Variants in MED13 observed in about 807,000 individuals in gnomAD.
MED13 encodes the protein mediator of RNA polymerase II transcription subunit 13.
MED13 carries 23 observed loss-of-function variants against 225.2 expected under a neutral mutation model. The observed-to-expected ratio is 0.10, with a 90% confidence interval of 0.07 to 0.14. MED13 has a LOEUF of 0.14. MED13 is among the 10% of genes least tolerant of loss of function. The probability of loss-of-function intolerance (pLI) is 1.00; values close to 1 mark genes in which losing one functional copy is unlikely to be tolerated. For missense variants in MED13, 2,197 were observed against 2,594.5 expected (o/e 0.85, Z 3.33); for synonymous variants, 942 against 889.2 (o/e 1.06, Z -1.06).
rs749596280 is a variant in MED13, at chr17:62,031,652, A to C, written c.815-14T>G. ...TTCGGACACCAGCTGAAAGGAAAAA[A>C]ATGGGACAGGAAAACCAATTACCTT... On this transcript the variant is annotated splice_polypyrimidine_tract_variant and intron_variant, in intron 5 of 29. Coordinates refer to ENST00000397786, the MANE Select transcript of MED13 (RefSeq NM_005121.3). 6.6e-7 allele frequency: 1 copy of C among 1,521,954 alleles called. No individual in the cohort carries two copies. The highest frequency in any genetic ancestry group is 2.1e-5 in the Admixed American group (1 of 47,540). The allele number at this position is 1,521,954 out of a possible 1,614,324, so 94.3% of individuals were successfully genotyped here.
chr17:61,960,706 C>T (rs1481422129), intron 23 of MED13, among the ~76,000 whole-genome samples, 161 bp downstream of exon 23: 1 of 151,892 alleles, frequency 6.6e-6, no homozygotes, highest in African/African-American at 2.4e-5. Flanking sequence ...GTTAGTTATA[C>T]AATATAAACA....
chr17:61,955,641 A>C, intron 25 of MED13, 39 bp downstream of exon 25: 1 of 1,568,618 alleles, frequency 6.4e-7, no homozygotes, highest in Non-Finnish European at 8.6e-7. Flanking sequence ...ACTTAACTGC[A>C]TAAAGAATTA....
At chr17:61,979,485 T>C (rs2080185183) in intron 16 of MED13, among the ~76,000 whole-genome samples, 1 of 152,028 alleles carries the variant, frequency 6.6e-6, no homozygotes, top group Non-Finnish European at 1.5e-5. Flanking sequence ...AATTTTTGTA[T>C]TTTTAGTAGA....
At position 61,944,027 on chromosome 17, in the gene MED13, C is replaced by G. The variant is rs1353605493; in HGVS notation, c.*2441G>C. 1 of 152,434 alleles carries G rather than the reference C, an allele frequency of 6.6e-6. No individual in the cohort carries two copies. The highest frequency in any genetic ancestry group is 1.5e-5 in the Non-Finnish European group (1 of 67,992). 9.4% of individuals were successfully genotyped at this position (152,434 alleles called of 1,614,324 possible). A position where few individuals can be genotyped will look rare whatever the true frequency, so the allele number is the denominator to read the frequency against. Reference sequence around the variant, plus strand: ...TAATTTCTCAAATAAGTCTACTGAGCTTTTCTAATGGTTATTTAATAACTT... The same window carrying G: ...TAATTTCTCAAATAAGTCTACTGAGGTTTTCTAATGGTTATTTAATAACTT... On this transcript the variant is annotated 3_prime_UTR_variant, in exon 30 of 30. Coordinates refer to ENST00000397786, the MANE Select transcript of MED13 (RefSeq NM_005121.3).
In MED13 at chr17:62,063,146, T is replaced by G. The variant is rs1325798147; in HGVS notation, c.222A>C (p.Arg74Ser). Residue 74 changes from arginine to serine, a missense_variant, in exon 2 of 30, where the codon AGA becomes AGC. By Grantham distance (110) the Arg-to-Ser change is moderately radical. Transcript: ENST00000397786. ...ATATCCACAATTCTCTTCTTCCAGG[T>G]CTTTGATCTCGCCGCCAAACACCAA... ...DVLGVWRRDQRPGRRELWIFW... is the reference protein window; with the variant it reads ...DVLGVWRRDQSPGRRELWIFW... The G allele has an allele frequency of 8.7e-6, 14 of 1,614,074 alleles. No individual in the cohort carries two copies. Among genetic ancestry groups the G allele is most frequent in the Non-Finnish European group, 1.2e-5 (14 of 1,180,026 alleles).
intron 18 of MED13, 87 bp downstream of exon 18, chr17:61,967,948 A>T (rs2080073644): frequency 1.0e-6 from 1 of 976,438 alleles, no homozygotes; most frequent in African/African-American, 1.6e-5. Flanking sequence ...ACTGTGTCCC[A>T]ATCAACTGAA....
At chr17:62,053,577 C>A (rs2080973894) in intron 2 of MED13, among the ~76,000 whole-genome samples, 1 of 152,146 alleles carries the variant, frequency 6.6e-6, no homozygotes, top group Admixed American at 6.5e-5. Context: ...AATAATGATA[C>A]CACTTCAGCA....
intron 23 of MED13, among the ~76,000 whole-genome samples, chr17:61,957,356 AT>A (rs199681354): frequency 1.4e-4 from 18 of 128,264 alleles, no homozygotes; most frequent in African/African-American, 3.1e-4. Context: ...TAAACTTTTT[AT>A]TTTTTTTTTT....
At chr17:61,965,607 T>G in intron 19 of MED13, 139 bp from the exon 20 acceptor site, 1 of 767,914 alleles carries the variant, frequency 1.3e-6, no homozygotes, top group Non-Finnish European at 2.0e-6. Context: ...GCTAATGGTG[T>G]GACCTACACT....
intron 8 of MED13, among the ~76,000 whole-genome samples, chr17:62,024,163 G>A (rs897505962): frequency 2.2e-4 from 33 of 152,086 alleles, no homozygotes; most frequent in African/African-American, 6.5e-4. Context: ...GATTACAGGC[G>A]TGTGCCACCA....
At chr17:62,015,948 ATATATATTTTTTTTTTTTTTTTTTT>A (rs2080572426) in intron 8 of MED13, among the ~76,000 whole-genome samples, 1 of 14,650 alleles carries the variant, frequency 6.8e-5, no homozygotes, top group East Asian at 4.8e-3. Context: ...ATATATATAT[ATATATATTTTTTTTTTTTTTTTTTT>A]TTTTTTTTTT....
intron 12 of MED13, 59 bp from the exon 13 acceptor site, chr17:61,985,149 G>T: frequency 7.2e-7 from 1 of 1,386,938 alleles, no homozygotes; most frequent in Non-Finnish European, 1.0e-6. Flanking sequence ...TCTCAAAATA[G>T]TAATCATTCA....
At chr17:61,950,533 GCCA>G (rs1029422754) in intron 28 of MED13, among the ~76,000 whole-genome samples, 45 of 151,936 alleles carry the variant, frequency 3.0e-4, no homozygotes, top group Non-Finnish European at 5.3e-4. Flanking sequence ...ACAGGCGCCC[GCCA>G]CCACACCTGG....
In MED13 at chr17:62,037,668, A is replaced by G. The variant is rs575040669; in HGVS notation, c.471-2060T>C. Among the ~76,000 whole-genome samples the G allele has an allele frequency of 2.3e-3, 330 of 144,392 alleles. 2 individuals are homozygous for G. Among genetic ancestry groups the G allele is most frequent in the Middle Eastern group, 0.018 (5 of 280 alleles). The allele number at this position is 144,392 out of a possible 152,430, so 94.7% of individuals were successfully genotyped here. A position where few individuals can be genotyped will look rare whatever the true frequency, so the allele number is the denominator to read the frequency against. ...GGTGACAGAGCAAGACTCCATCTCA[A>G]AAAAAAAAAAAAAAAGACAAAGAGG... On this transcript the variant is annotated intron_variant, in intron 3 of 29. Coordinates refer to ENST00000397786, the MANE Select transcript of MED13 (RefSeq NM_005121.3).
rs769659610 is a variant in MED13 at position 61,982,345 on chromosome 17, A to G, written c.3658T>C (p.Trp1220Arg). ...CAGTCACGCTCTTCAACACGTACCC[A>G]ATTGCTAATTACACCACTTTTAGGA... is the stretch of plus-strand genomic sequence containing the variant. Reference protein sequence around the residue: ...PFPKSGVISNWVRVEERDCCN... With the variant: ...PFPKSGVISNRVRVEERDCCN... The change falls in exon 16 of 30, where the codon TGG becomes CGG. Residue 1220 changes from tryptophan to arginine, a missense_variant. Transcript: ENST00000397786. 2 of 1,614,188 alleles carry G rather than the reference A, an allele frequency of 1.2e-6. No homozygotes were observed. The highest frequency in any genetic ancestry group is 2.2e-5 in the East Asian group (1 of 44,890).
Position 61,946,996 on chromosome 17 carries a change from G to A in MED13, c.6313C>T (p.Pro2105Ser). The change falls in exon 29 of 30, where the codon CCT becomes TCT. Residue 2105 changes from proline to serine, a missense_variant. Physicochemically the swap from Pro to Ser is moderately conservative, Grantham distance 74. Coordinates refer to ENST00000397786, the MANE Select transcript of MED13 (RefSeq NM_005121.3). ...AGCAGCTCGTCAGATTGCACTGAAG[G>A]CACGTGGAGGTGCAAAGAGGCCTAA... ...FLKASLHLHV[P>S]SVQSDELLHS... is the part of the protein sequence containing the mutation. The A allele has an allele frequency of 1.2e-6, 2 of 1,614,038 alleles. No individual in the cohort carries two copies. Among genetic ancestry groups the A allele is most frequent in the Non-Finnish European group, 8.5e-7 (1 of 1,179,912 alleles).
In MED13 at chr17:61,968,224, G is replaced by C. The variant is rs774920701; in HGVS notation, c.4002C>G (p.Pro1334=). The part of the protein sequence containing the change: ...TDESPEPLPI[P]TFLLGYDYDY... ...CATAATCATAACCCAACAAAAATGT[G>C]GGGATTGGCAGTGGTTCTGGGGATT... The change falls in exon 18 of 30, where the codon CCC becomes CCG. Residue 1334 remains proline, a synonymous_variant. Coordinates refer to ENST00000397786, the MANE Select transcript of MED13 (RefSeq NM_005121.3). The C allele has an allele frequency of 1.2e-6, 2 of 1,614,010 alleles. No individual in the cohort carries two copies. Among genetic ancestry groups the C allele is most frequent in the East Asian group, 4.5e-5 (2 of 44,868 alleles).
At chr17:61,980,058 G>A (rs1453136260) in intron 16 of MED13, among the ~76,000 whole-genome samples, 15 of 152,024 alleles carry the variant, frequency 9.9e-5, no homozygotes, top group African/African-American at 2.9e-4. Flanking sequence ...GTGTGGTGGC[G>A]TGCACCTGTA....
chr17:62,002,984 T>C (rs2080410079), intron 9 of MED13, among the ~76,000 whole-genome samples: 1 of 152,232 alleles, frequency 6.6e-6, no homozygotes. Context: ...CTCTAATTTC[T>C]ACCTACTAGG....
Sources: gnomAD v4.1 joint callset for allele counts (sites outside exome capture counted in the v4.1 genomes callset) on GRCh38, gnomAD v4.1.1 for gene constraint, MANE v1.5 for transcripts, NCBI Gene and HGNC (gene_info 2026-07-23, HGNC 2026-07-21) for gene names.